The following FLG2 variants were observed in gnomAD, a reference collection of about 807,000 sequenced individuals.
The protein encoded by FLG2 is filaggrin-2.
Under a neutral mutation model 3.9 loss-of-function variants are expected in FLG2, and 7 were observed. The ratio of observed to expected loss-of-function variants is 1.79; its 90% confidence interval spans 1.02 to 3.36. FLG2 has a LOEUF of 3.36. FLG2 is among the 30% of genes most tolerant of loss of function. The pLI is 0.00. For missense variants in FLG2, 2,700 were observed against 2,809.4 expected, an observed-to-expected ratio of 0.96 and a Z score of 0.88; for synonymous variants, 1,031 against 1,056.1, an observed-to-expected ratio of 0.98 and a Z score of 0.46.
At position 152,351,200 on chromosome 1, in the gene FLG2, G is replaced by A. The variant is rs765221518; in HGVS notation, c.6586C>T (p.His2196Tyr). The A allele has an allele frequency of 9.3e-6, 15 of 1,613,848 alleles. No individual in the cohort carries two copies. The highest frequency in any genetic ancestry group is 1.2e-5 in the Non-Finnish European group (14 of 1,179,976). Residue 2196 changes from histidine (H) to tyrosine (Y), a missense_variant, in exon 3 of 3, where the codon CAT becomes TAT. His to Tyr is a moderately conservative substitution (Grantham distance 83). Transcript: ENST00000388718. ...GCTTGGCTGTGAGTGTGTCCTGAAT[G>A]TGTGGGTGAGGCCTCTGAGTGCACT... Reference protein sequence around the residue: ...SEVHSEASPTHSGHTHSQAGS... With the variant: ...SEVHSEASPTYSGHTHSQAGS...
Position 152,348,801 on chromosome 1 carries a change from A to G in FLG2, c.*1809T>C, listed in dbSNP as rs1653798878. ...CAATTTTCTGGATCCTATATCCAGA[A>G]GGCCATGACAATAAATTTAAATATA... On this transcript the variant is annotated 3_prime_UTR_variant, in exon 3 of 3. Coordinates refer to ENST00000388718, the MANE Select transcript of FLG2 (RefSeq NM_001014342.3). 1 of 152,220 alleles carries G rather than the reference A, an allele frequency of 6.6e-6. No homozygotes were observed. Among genetic ancestry groups the G allele is most frequent in the African/African-American group, 2.4e-5 (1 of 41,458 alleles). The allele number at this position is 152,220 out of a possible 1,614,324, so 9.4% of individuals were successfully genotyped here.
rs1376620462 is a variant in FLG2, at chr1:152,352,320, T to C, written c.5466A>G (p.Arg1822=). 1 of 1,612,298 alleles carries C rather than the reference T, an allele frequency of 6.2e-7. No homozygotes were observed. Among genetic ancestry groups the C allele is most frequent in the Non-Finnish European group, 8.5e-7 (1 of 1,179,564 alleles). ...ATCCAGCCTGGCCGTGAGTGTGTCCTCGTGAGTGTGGTCTTTGTGAGAACC... is the reference window on the plus strand; with the variant it reads ...ATCCAGCCTGGCCGTGAGTGTGTCCCCGTGAGTGTGGTCTTTGTGAGAACC... The part of the protein sequence containing the change: ...HSGFSQRPHS[R]GHTHGQAGSQ... Residue 1822 remains arginine, a synonymous_variant, in exon 3 of 3, where the codon CGA becomes CGG. Transcript: ENST00000388718.
chr1:152,357,734 G>T, intron 2 of FLG2, 87 bp from the exon 3 acceptor site: 1 of 931,132 alleles, frequency 1.1e-6, no homozygotes, highest in South Asian at 1.6e-5. Flanking sequence ...GTGAAATTAT[G>T]GATGTTTGAC....
Position 152,352,281 on chromosome 1 carries a change from C to T in FLG2, c.5505G>A (p.Glu1835=). Residue 1835 remains glutamate, a synonymous_variant, in exon 3 of 3, where the codon GAG becomes GAA. Coordinates refer to ENST00000388718, the MANE Select transcript of FLG2 (RefSeq NM_001014342.3). ...THGQAGSQHG[E]SESIVDERHG... ...GTCTCTCGTCAACTATGGATTCTGA[C>T]TCTCCATGTTGAGATCCAGCCTGGC... The T allele has an allele frequency of 6.2e-7, 1 of 1,613,698 alleles. No individual in the cohort carries two copies. The highest frequency in any genetic ancestry group is 1.1e-5 in the South Asian group (1 of 91,052).
chr1:152,350,957 C>T lies in FLG2; in HGVS notation c.6829G>A (p.Gly2277Ser), dbSNP rs150260227. Residue 2277 changes from glycine to serine, a missense_variant, in exon 3 of 3, where the codon GGC becomes AGC. Gly to Ser is a moderately conservative substitution (Grantham distance 56). Transcript: ENST00000388718. ...TGTCTTTGTTGAGATCCAGCTTGGC[C>T]CTGAATGTGTCCTGAATGTGTGTGT... ...GSHTHSGHIQGQAGSQQRQPG... is the reference protein window; with the variant it reads ...GSHTHSGHIQSQAGSQQRQPG... The T allele has an allele frequency of 2.1e-5, 34 of 1,612,066 alleles. No homozygotes were observed. In the African/African-American group the frequency reaches 4.3e-4, roughly 20 times the overall value.
Position 152,356,637 on chromosome 1 carries a change from A to G in FLG2, c.1149T>C (p.Tyr383=), listed in dbSNP as rs142287950. The G allele has an allele frequency of 3.7e-5, 59 of 1,614,218 alleles. 1 individual carries two copies. In the African/African-American group the frequency reaches 7.7e-4, roughly 21 times the overall value. The part of the protein sequence containing the change: ...GSSQSSCCGQ[Y]GSGGSQSCSN... ...TACAAGACTGGCTACCTCCAGACCC[A>G]TATTGTCCACAGCAAGAGGACTGAC... The change falls in exon 3 of 3, where the codon TAT becomes TAC. Residue 383 remains tyrosine, a synonymous_variant. Coordinates refer to ENST00000388718, the MANE Select transcript of FLG2 (RefSeq NM_001014342.3).
rs199599567 is a variant in FLG2 at position 152,352,664 on chromosome 1, A to G, written c.5122T>C (p.Tyr1708His). ...QTGDTTRHAH[Y>H]HHGLTTQTGS... ...GTCTGTGTGGTTAATCCATGATGAT[A>G]GTGGGCATGTCTAGTGGTATCTCCT... The change falls in exon 3 of 3, where the codon TAT becomes CAT. Residue 1708 changes from tyrosine to histidine, a missense_variant. Physicochemically the swap from Tyr to His is moderately conservative, Grantham distance 83. Coordinates refer to ENST00000388718, the MANE Select transcript of FLG2 (RefSeq NM_001014342.3). 384 of 1,613,208 alleles carry G rather than the reference A, an allele frequency of 2.4e-4. 2 individuals carry two copies. Among genetic ancestry groups the G allele is most frequent in the Non-Finnish European group, 3.1e-4 (369 of 1,179,834 alleles).
rs756904287 is a variant in FLG2, at chr1:152,354,582, C to A, written c.3204G>T (p.Glu1068Asp). The A allele has an allele frequency of 6.2e-7, 1 of 1,613,616 alleles. No individual in the cohort carries two copies. Among genetic ancestry groups the A allele is most frequent in the Admixed American group, 1.7e-5 (1 of 59,976 alleles). The change falls in exon 3 of 3, where the codon GAG becomes GAT. Residue 1068 changes from glutamate to aspartate, a missense_variant. Coordinates refer to ENST00000388718, the MANE Select transcript of FLG2 (RefSeq NM_001014342.3). ...CATAGCTAGACTGACGTGATCTAGA[C>A]TCATATTGTCCAAAACCAGAGGATT... ...SGQSSGFGQY[E>D]SRSRQSSYGQ...
chr1:152,351,442 G>C lies in FLG2; in HGVS notation c.6344C>G (p.Ser2115Ter). 6.2e-7 allele frequency: 1 copy of C among 1,612,948 alleles called. No homozygotes were observed. The highest frequency in any genetic ancestry group is 8.5e-7 in the Non-Finnish European group (1 of 1,179,754). ...TCCTGAATGTGTGTGTGAGACCCCT[G>C]AGTGCACTTCACTGTCACTGGACTC... ...HSESSDSEVH[S>*]GVSHTHSGHT... Residue 2115 changes from serine (S) to a stop codon, truncating the protein, a stop_gained, in exon 3 of 3, where the codon TCA (serine) becomes TGA (stop). Coordinates refer to ENST00000388718, the MANE Select transcript of FLG2 (RefSeq NM_001014342.3). LOFTEE classifies it low-confidence loss of function (END_TRUNC).
At position 152,353,492 on chromosome 1, in the gene FLG2, C is replaced by G. The variant is rs761956745; in HGVS notation, c.4294G>C (p.Val1432Leu). 6.2e-7 allele frequency: 1 copy of G among 1,613,856 alleles called. No individual in the cohort carries two copies. Among genetic ancestry groups the G allele is most frequent in the Admixed American group, 1.7e-5 (1 of 59,994 alleles). ...GGTCTGTGTGAGCCCCCTGAGTGCACTTCACTGTCACTGGACTCACTATGG... is the reference window on the plus strand; with the variant it reads ...GGTCTGTGTGAGCCCCCTGAGTGCAGTTCACTGTCACTGGACTCACTATGG... The part of the protein sequence containing the change: ...SGHSESSDSE[V>L]HSGGSHRPQS... Residue 1432 changes from valine to leucine, a missense_variant, in exon 3 of 3, where the codon GTG becomes CTG. Val to Leu is a conservative substitution (Grantham distance 32). Transcript: ENST00000388718.
Position 152,356,269 on chromosome 1 carries a change from C to A in FLG2, c.1517G>T (p.Gly506Val). The change falls in exon 3 of 3, where the codon GGA becomes GTA. Residue 506 changes from glycine (G) to valine (V), a missense_variant. Physicochemically the swap from Gly to Val is moderately radical, Grantham distance 109 (BLOSUM62 -3). Transcript: ENST00000388718. ...GSGSGQSSGF[G>V]QHGSVSGQSS... ...TTGTCCTGAGACAGACCCATGCTGTCCAAAGCCAGAGGACTGACCTGAGCC... is the reference window on the plus strand; with the variant it reads ...TTGTCCTGAGACAGACCCATGCTGTACAAAGCCAGAGGACTGACCTGAGCC... 1 of 1,614,052 alleles carries A rather than the reference C, an allele frequency of 6.2e-7. No homozygotes were observed. Among genetic ancestry groups the A allele is most frequent in the Non-Finnish European group, 8.5e-7 (1 of 1,180,006 alleles).
In FLG2 at chr1:152,354,574, G is replaced by A. The variant is rs760212702; in HGVS notation, c.3212C>T (p.Ser1071Leu). The change falls in exon 3 of 3, where the codon TCA becomes TTA. Residue 1071 changes from serine to leucine, a missense_variant. Coordinates refer to ENST00000388718, the MANE Select transcript of FLG2 (RefSeq NM_001014342.3). ...SSGFGQYESR[S>L]RQSSYGQHGS... ...ATGTTGGCCATAGCTAGACTGACGTGATCTAGACTCATATTGTCCAAAACC... is the reference window on the plus strand; with the variant it reads ...ATGTTGGCCATAGCTAGACTGACGTAATCTAGACTCATATTGTCCAAAACC... 6.2e-7 allele frequency: 1 copy of A among 1,613,852 alleles called. No homozygotes were observed.
In FLG2 at chr1:152,352,149, G is replaced by A. The variant is rs1653964675; in HGVS notation, c.5637C>T (p.Gly1879=). Reference sequence around the variant, plus strand: ...CTTCACTGTCACTGGACTCACTGTGGCCAGATCTCCTTCTTCCAGTTGTAC... The same window carrying A: ...CTTCACTGTCACTGGACTCACTGTGACCAGATCTCCTTCTTCCAGTTGTAC... ...GSSTTGRRRS[G]HSESSDSEVH... Residue 1879 remains glycine, a synonymous_variant, in exon 3 of 3, where the codon GGC becomes GGT. Coordinates refer to ENST00000388718, the MANE Select transcript of FLG2 (RefSeq NM_001014342.3). The A allele has an allele frequency of 2.5e-6, 4 of 1,613,794 alleles. No individual in the cohort carries two copies. The highest frequency in any genetic ancestry group is 3.4e-6 in the Non-Finnish European group (4 of 1,179,920).
At position 152,357,100 on chromosome 1, in the gene FLG2, G is replaced by A; in HGVS notation, c.686C>T (p.Ser229Leu). The change falls in exon 3 of 3, where the codon TCA (serine) becomes TTA (leucine). Residue 229 changes from serine (S) to leucine (L), a missense_variant. Transcript: ENST00000388718. ...ATGACCTTTCCTTTCCCAACTGTTT[G>A]ATCCAGATCCAGATTCATACTCCTC... ...SGEEYESGSGSNSWERKGHGG... is the reference protein window; with the variant it reads ...SGEEYESGSGLNSWERKGHGG... 2.5e-6 allele frequency: 4 copies of A among 1,614,034 alleles called. No homozygotes were observed. Among genetic ancestry groups the A allele is most frequent in the Non-Finnish European group, 3.4e-6 (4 of 1,179,992 alleles).
Position 152,351,999 on chromosome 1 carries a change from G to A in FLG2, c.5787C>T (p.Thr1929=), listed in dbSNP as rs1352376041. 3 of 1,613,798 alleles carry A rather than the reference G, an allele frequency of 1.9e-6. No homozygotes were observed. The highest frequency in any genetic ancestry group is 2.5e-6 in the Non-Finnish European group (3 of 1,179,938). Reference sequence around the variant, plus strand: ...CATGACTAGGGTGGCCATGTTCAGTGGTATCTCCTGTCTGTCCATGAGTAG... The same window carrying A: ...CATGACTAGGGTGGCCATGTTCAGTAGTATCTCCTGTCTGTCCATGAGTAG... ...HQTTHGQTGD[T]TEHGHPSHGQ... Residue 1929 remains threonine, a synonymous_variant, in exon 3 of 3, where the codon ACC becomes ACT. Coordinates refer to ENST00000388718, the MANE Select transcript of FLG2 (RefSeq NM_001014342.3).
rs1207646030 is a variant in FLG2 at position 152,352,434 on chromosome 1, A to C, written c.5352T>G (p.Gly1784=). 1 of 1,612,720 alleles carries C rather than the reference A, an allele frequency of 6.2e-7. No individual in the cohort carries two copies. The highest frequency in any genetic ancestry group is 8.5e-7 in the Non-Finnish European group (1 of 1,179,728). The change falls in exon 3 of 3, where the codon GGT becomes GGG. Residue 1784 remains glycine (G), a synonymous_variant. Coordinates refer to ENST00000388718, the MANE Select transcript of FLG2 (RefSeq NM_001014342.3). The part of the protein sequence containing the change: ...TGDTTRHAHS[G]HGQSTQTGSR... ...ACCCTGTCTGTGTGGACTGTCCATG[A>C]CCAGAGTGGGCATGTCTGGTGGTAT...
Position 152,351,510 on chromosome 1 carries a change from CTGTG to C in FLG2, c.6272_6275del (p.Thr2091ArgfsTer310), listed in dbSNP as rs747729271. The C allele has an allele frequency of 3.7e-6, 6 of 1,612,290 alleles. No homozygotes were observed. In the Admixed American group the frequency reaches 5.0e-5, roughly 13 times the overall value. On this transcript the variant is annotated frameshift_variant, in exon 3 of 3. Coordinates refer to ENST00000388718, the MANE Select transcript of FLG2 (RefSeq NM_001014342.3). LOFTEE classifies it low-confidence loss of function (END_TRUNC). ...TTCTTCCAGCTGTCCTTGACCCTCT[CTGTG>C]TGGACTGTCCATGACCAGAGTGAGC...
Position 152,353,813 on chromosome 1 carries a change from C to T in FLG2, c.3973G>A (p.Gly1325Ser), listed in dbSNP as rs767935253. 1 of 1,613,890 alleles carries T rather than the reference C, an allele frequency of 6.2e-7. No individual in the cohort carries two copies. The highest frequency in any genetic ancestry group is 1.7e-5 in the Admixed American group (1 of 60,002). ...GTAGACTGTCCATGACCAGAATGGCCATGTCTAGTGGTATCTCCTCTCTGT... is the reference window on the plus strand; with the variant it reads ...GTAGACTGTCCATGACCAGAATGGCTATGTCTAGTGGTATCTCCTCTCTGT... Reference protein sequence around the residue: ...HGQRGDTTRHGHSGHGQSTQT... With the variant: ...HGQRGDTTRHSHSGHGQSTQT... Residue 1325 changes from glycine (G) to serine (S), a missense_variant, in exon 3 of 3, where the codon GGC (glycine) becomes AGC (serine). Coordinates refer to ENST00000388718, the MANE Select transcript of FLG2 (RefSeq NM_001014342.3).
rs764576907 is a variant in FLG2, at chr1:152,356,257, G to C, written c.1529C>G (p.Ser510Cys). 2.2e-5 allele frequency: 36 copies of C among 1,613,824 alleles called. No individual in the cohort carries two copies. In the South Asian group the frequency reaches 4.0e-4, roughly 18 times the overall value. The change falls in exon 3 of 3, where the codon TCT (serine) becomes TGT (cysteine). Residue 510 changes from serine to cysteine, a missense_variant. Coordinates refer to ENST00000388718, the MANE Select transcript of FLG2 (RefSeq NM_001014342.3). Reference protein sequence around the residue: ...GQSSGFGQHGSVSGQSSGFGQ... With the variant: ...GQSSGFGQHGCVSGQSSGFGQ... Reference sequence around the variant, plus strand: ...AAAACCAGAGGATTGTCCTGAGACAGACCCATGCTGTCCAAAGCCAGAGGA... The same window carrying C: ...AAAACCAGAGGATTGTCCTGAGACACACCCATGCTGTCCAAAGCCAGAGGA...
Sources: gnomAD v4.1 joint callset for allele counts on GRCh38, gnomAD v4.1.1 for gene constraint, MANE v1.5 for transcripts, NCBI Gene and HGNC (gene_info 2026-07-23, HGNC 2026-07-21) for gene names.